The following TMEM267 variants were observed in gnomAD, a reference collection of about 807,000 sequenced individuals.
The protein encoded by TMEM267 is transmembrane protein C5orf28.
Under a neutral mutation model 19.3 loss-of-function variants are expected in TMEM267, and 20 were observed. The observed-to-expected ratio is 1.04, with a 90% confidence interval of 0.73 to 1.51. The LOEUF is 1.51. TMEM267 is among the 40% of genes most tolerant of loss of function. TMEM267 has a pLI of 0.00. For missense variants in TMEM267, 242 were observed against 261.9 expected (o/e 0.92, Z 0.52); for synonymous variants, 88 against 90.3 (o/e 0.97, Z 0.15).
intron 1 of TMEM267, among the ~76,000 whole-genome samples, chr5:43,464,048 A>G (rs1179603172): frequency 1.3e-5 from 2 of 152,214 alleles, no homozygotes; most frequent in African/African-American, 4.8e-5. Context: ...TTGTATATCT[A>G]GAAAACCCCA....
chr5:43,478,795 T>C (rs1355181823), intron 1 of TMEM267, among the ~76,000 whole-genome samples: 1 of 152,066 alleles, frequency 6.6e-6, no homozygotes, highest in African/African-American at 2.4e-5. Context: ...TAGTAATCAG[T>C]TGAATTCAAA....
At chr5:43,449,486 A>G (rs4242099) in intron 2 of TMEM267, among the ~76,000 whole-genome samples, 93,296 of 152,070 alleles carry the variant, frequency 0.61, 31,326 homozygotes, top group African/African-American at 0.89. Flanking sequence ...ATAAAAATGC[A>G]AATCTATTAA....
At chr5:43,454,993 T>C (rs1162671583) in intron 1 of TMEM267, among the ~76,000 whole-genome samples, 1 of 152,238 alleles carries the variant, frequency 6.6e-6, no homozygotes, top group Non-Finnish European at 1.5e-5. Context: ...ACTCAACTTC[T>C]ATTACACAAT....
At chr5:43,479,974 C>G in intron 1 of TMEM267, 1 of 393,398 alleles carries the variant, frequency 2.5e-6, no homozygotes, top group Non-Finnish European at 4.9e-6. Flanking sequence ...CTTTAGAAAA[C>G]AAACATTCAA....
chr5:43,473,890 CA>C (rs1411978524), intron 1 of TMEM267, among the ~76,000 whole-genome samples: 4 of 152,186 alleles, frequency 2.6e-5, no homozygotes, highest in Non-Finnish European at 4.4e-5. Context: ...GTAACAAAAA[CA>C]GCATGGTACT....
At chr5:43,456,697 A>G (rs1156296610) in intron 1 of TMEM267, among the ~76,000 whole-genome samples, 3 of 152,326 alleles carry the variant, frequency 2.0e-5, no homozygotes, top group East Asian at 3.9e-4. Context: ...AATTTTAAAA[A>G]TTAGATATCA....
chr5:43,454,089 C>T lies in TMEM267; in HGVS notation c.-74-46G>A, dbSNP rs879060606. The T allele has an allele frequency of 3.7e-5, 48 of 1,288,914 alleles. No individual in the cohort carries two copies. In the Middle Eastern group the frequency reaches 6.6e-4, roughly 18 times the overall value. The allele number at this position is 1,288,914 out of a possible 1,614,324, so 79.8% of individuals were successfully genotyped here. On this transcript the variant is annotated intron_variant, in intron 1 of 2. Coordinates refer to ENST00000397080, the MANE Select transcript of TMEM267 (RefSeq NM_022483.5). ...AAATATGAATGAAGATTATGGACTA[C>T]CATATAATATTTAAACAAAACAGTA...
chr5:43,477,590 C>CAAAA (rs10717949), intron 1 of TMEM267, among the ~76,000 whole-genome samples: 9 of 80,604 alleles, frequency 1.1e-4, no homozygotes, highest in Non-Finnish European at 1.7e-4. Context: ...GACTCCGTCT[C>CAAAA]AAAAAAAAAA....
Position 43,446,455 on chromosome 5 carries a change from CT to C in TMEM267, c.414del (p.Asp139ThrfsTer44), listed in dbSNP as rs774698216. The C allele has an allele frequency of 1.9e-6, 3 of 1,613,714 alleles. No homozygotes were observed. Among genetic ancestry groups the C allele is most frequent in the Non-Finnish European group, 2.5e-6 (3 of 1,179,664 alleles). On this transcript the variant is annotated frameshift_variant, in exon 3 of 3. Transcript: ENST00000397080. LOFTEE classifies it high-confidence loss of function. ...ATCCAGGGAAGAAAGCACCATGAGT[CT>C]TTGAGCTTGAAAAGGTGCATAGTAA... Reference protein sequence around the residue: ...LKFTMHLFKLKDSWCFLPWML... With the variant: ...LKFTMHLFKLXDSWCFLPWML...
intron 2 of TMEM267, among the ~76,000 whole-genome samples, chr5:43,451,997 G>A (rs1462793650): frequency 6.8e-6 from 1 of 146,338 alleles, no homozygotes; most frequent in Middle Eastern, 3.4e-3. Context: ...AGAATTGCCT[G>A]AGCCCAAGAG....
At chr5:43,479,583 A>T (rs1744635442) in intron 1 of TMEM267, among the ~76,000 whole-genome samples, 1 of 146,844 alleles carries the variant, frequency 6.8e-6, no homozygotes, top group African/African-American at 2.6e-5. Flanking sequence ...AATTACATCC[A>T]ATCTCATAAA....
At chr5:43,449,319 GAT>G (rs1257187578) in intron 2 of TMEM267, among the ~76,000 whole-genome samples, 2 of 151,960 alleles carry the variant, frequency 1.3e-5, no homozygotes, top group African/African-American at 4.8e-5. Context: ...GAATAAAAAT[GAT>G]ATGAGGAAAA....
intron 2 of TMEM267, among the ~76,000 whole-genome samples, chr5:43,448,667 T>C (rs1188474899): frequency 1.3e-5 from 2 of 151,814 alleles, no homozygotes; most frequent in East Asian, 1.9e-4. Context: ...TCCCAGCTAA[T>C]TGGGAGGCTG....
At chr5:43,446,737 T>G (rs1742264478) in intron 2 of TMEM267, among the ~76,000 whole-genome samples, 180 bp from the exon 3 acceptor site, 1 of 152,080 alleles carries the variant, frequency 6.6e-6, no homozygotes, top group Non-Finnish European at 1.5e-5. Context: ...TATAAAAGTG[T>G]GAGCAGGATA....
At chr5:43,454,488 A>C (rs1742824755) in intron 1 of TMEM267, 1 of 152,464 alleles carries the variant, frequency 6.6e-6, no homozygotes. Flanking sequence ...AATAATGGTG[A>C]CTAATCTAGT....
intron 1 of TMEM267, among the ~76,000 whole-genome samples, chr5:43,470,208 T>G (rs962422288): frequency 6.6e-6 from 1 of 152,162 alleles, no homozygotes; most frequent in African/African-American, 2.4e-5. Flanking sequence ...AGTGGTGCAA[T>G]CTCAGCTCAT....
At chr5:43,446,863 C>A (rs1168339059) in intron 2 of TMEM267, among the ~76,000 whole-genome samples, 2 of 151,894 alleles carry the variant, frequency 1.3e-5, no homozygotes, top group Non-Finnish European at 2.9e-5. Context: ...TCTAAGTGTA[C>A]AGTTTGTGTA....
intron 1 of TMEM267, among the ~76,000 whole-genome samples, chr5:43,457,515 G>A (rs1579797380): frequency 6.6e-6 from 1 of 152,144 alleles, no homozygotes; most frequent in Non-Finnish European, 1.5e-5. Flanking sequence ...GTTTTACATG[G>A]CCAGAGTAGA....
chr5:43,474,970 G>A (rs1030315413), intron 1 of TMEM267, among the ~76,000 whole-genome samples: 2 of 152,120 alleles, frequency 1.3e-5, no homozygotes, highest in African/African-American at 2.4e-5. Flanking sequence ...ACAGTGTGGC[G>A]ATTCCTCAAG....
Sources: gnomAD v4.1 joint callset for allele counts (sites outside exome capture counted in the v4.1 genomes callset) on GRCh38, gnomAD v4.1.1 for gene constraint, MANE v1.5 for transcripts, NCBI Gene and HGNC (gene_info 2026-07-23, HGNC 2026-07-21) for gene names.